Variants in PCDHGA7 observed in about 807,000 individuals in gnomAD.
The protein encoded by PCDHGA7 is protocadherin gamma-A7.
A neutral mutation model predicts 58.3 loss-of-function variants in PCDHGA7; 44 were observed. That is an observed-to-expected ratio of 0.75 (90% confidence interval 0.59 to 0.97). The LOEUF is 0.97. Ranked by LOEUF, PCDHGA7 falls within the 50% of genes least tolerant of loss-of-function variation. The probability of loss-of-function intolerance (pLI) is 0.00; values close to 1 mark genes in which losing one functional copy is unlikely to be tolerated. For missense variants in PCDHGA7, 1,266 were observed against 1,188.7 expected (o/e 1.06, Z -0.96); for synonymous variants, 516 against 504.2 (o/e 1.02, Z -0.31).
At chr5:141,407,563 A>T (rs1483622352) in intron 1 of PCDHGA7, among the ~76,000 whole-genome samples, 1 of 152,032 alleles carries the variant, frequency 6.6e-6, no homozygotes, top group Non-Finnish European at 1.5e-5. Context: ...ACATAAGCTG[A>T]AAGATAAAAT....
In PCDHGA7 at chr5:141,385,164, T is replaced by C. The variant is rs758100484; in HGVS notation, c.2265T>C (p.His755=). 3 of 1,614,168 alleles carry C rather than the reference T, an allele frequency of 1.9e-6. No homozygotes were observed. Among genetic ancestry groups the C allele is most frequent in the Middle Eastern group, 1.6e-4 (1 of 6,062 alleles). The change falls in exon 1 of 4, where the codon CAT becomes CAC. Residue 755 remains histidine (H), a synonymous_variant. Coordinates refer to ENST00000518325, the MANE Select transcript of PCDHGA7 (RefSeq NM_018920.4). ...AGGCTTTCCTGCAGACCTATTCCCA[T>C]GAGGTCTCCCTCACCGCGGACTCTC... ...GVQAFLQTYS[H]EVSLTADSRK...
rs983317324 is a variant in PCDHGA7, at chr5:141,431,891, G to A, written c.2424+46568G>A. The stretch of plus-strand genomic sequence containing the variant: ...AAATGTAAATGACCAAGATTCTGAG[G>A]AAAACGGACAGGTGATCTGTTTCAT... On this transcript the variant is annotated intron_variant, in intron 1 of 3. Transcript: ENST00000518325. The surrounding 1 kb of genome is among the most constrained non-coding windows in gnomAD (Gnocchi z 4.8). 16 of 1,614,072 alleles carry A rather than the reference G, an allele frequency of 9.9e-6. No homozygotes were observed. The highest frequency in any genetic ancestry group is 2.7e-5 in the African/African-American group (2 of 74,934).
chr5:141,415,077 A>C, intron 1 of PCDHGA7: 2 of 1,613,468 alleles, frequency 1.2e-6, no homozygotes, highest in Non-Finnish European at 1.7e-6. Flanking sequence ...GCACGGCGCG[A>C]GCCCTGCTGG....
intron 1 of PCDHGA7, among the ~76,000 whole-genome samples, chr5:141,450,783 G>A (rs2879228): frequency 0.25 from 37,099 of 150,510 alleles, 4,810 homozygotes; most frequent in Admixed American, 0.32. Flanking sequence ...CACCGTGCCC[G>A]GACCTCATGA....
chr5:141,382,871 G>C lies in PCDHGA7; in HGVS notation c.-29G>C, dbSNP rs764156663. ...GCATTCTGAAGCACTTCCCGAGATCGGCGCCTAAGCAAGAGAAGCAGGACG... is the reference window on the plus strand; with the variant it reads ...GCATTCTGAAGCACTTCCCGAGATCCGCGCCTAAGCAAGAGAAGCAGGACG... On this transcript the variant is annotated 5_prime_UTR_variant, in exon 1 of 4. Transcript: ENST00000518325. 1.4e-5 allele frequency: 22 copies of C among 1,520,388 alleles called. No homozygotes were observed. Among genetic ancestry groups the C allele is most frequent in the Admixed American group, 8.9e-5 (4 of 45,064 alleles). The allele number at this position is 1,520,388 out of a possible 1,614,324, so 94.2% of individuals were successfully genotyped here.
chr5:141,413,014 A>T, intron 1 of PCDHGA7: 1 of 663,842 alleles, frequency 1.5e-6, no homozygotes, highest in Non-Finnish European at 2.4e-6. Context: ...CTTCAACTAC[A>T]CAAGCCCCAC....
chr5:141,431,571 A>T lies in PCDHGA7; in HGVS notation c.2424+46248A>T, dbSNP rs781289120. 1.2e-6 allele frequency: 2 copies of T among 1,614,026 alleles called. No homozygotes were observed. Among genetic ancestry groups the T allele is most frequent in the African/African-American group, 1.3e-5 (1 of 74,938 alleles). On this transcript the variant is annotated intron_variant, in intron 1 of 3. Coordinates refer to ENST00000518325, the MANE Select transcript of PCDHGA7 (RefSeq NM_018920.4). This position sits in a 1 kb window ranked among gnomAD's most constrained non-coding sequence, Gnocchi z 4.8. ...GTAGTCAACGCTACCGACCCTGACG[A>T]AGGAGTCAATGCGGAAGTGAGGTAT...
At position 141,432,727 on chromosome 5, in the gene PCDHGA7, C is replaced by T; in HGVS notation, c.2424+47404C>T. 6.2e-7 allele frequency: 1 copy of T among 1,614,090 alleles called. No individual in the cohort carries two copies. Among genetic ancestry groups the T allele is most frequent in the Non-Finnish European group, 8.5e-7 (1 of 1,179,996 alleles). ...ACCACGGCCAGCCCCCTCTCTCCGC[C>T]ACTGTCACGCTCACCGTGGCCGTGG... On this transcript the variant is annotated intron_variant, in intron 1 of 3. Transcript: ENST00000518325. The surrounding 1 kb of genome is among the most constrained non-coding windows in gnomAD (Gnocchi z 6.0).
At chr5:141,424,171 C>A in intron 1 of PCDHGA7, 1 of 226,338 alleles carries the variant, frequency 4.4e-6, no homozygotes, top group Non-Finnish European at 8.0e-6. Flanking sequence ...ATCTATCTAT[C>A]TATACACATG....
chr5:141,491,901 G>C lies in PCDHGA7; in HGVS notation c.2425-2906G>C, dbSNP rs1196717010. 1 of 1,429,696 alleles carries C rather than the reference G, an allele frequency of 7.0e-7. No homozygotes were observed. The highest frequency in any genetic ancestry group is 9.3e-7 in the Non-Finnish European group (1 of 1,080,148). 88.6% of individuals were successfully genotyped at this position (1,429,696 alleles called of 1,614,324 possible). ...AAGGGATGGGGCTCCGAGCACCGGG[G>C]GTGGTGGCGACTGTGGGCGAGGGGA... On this transcript the variant is annotated intron_variant, in intron 1 of 3. Transcript: ENST00000518325. The surrounding 1 kb of genome is among the most constrained non-coding windows in gnomAD (Gnocchi z 6.9).
chr5:141,492,575 C>T (rs1213639439), intron 1 of PCDHGA7, among the ~76,000 whole-genome samples: 1 of 152,218 alleles, frequency 6.6e-6, no homozygotes, highest in South Asian at 2.1e-4. Flanking sequence ...GAGCGAGGCG[C>T]GGGGCCAGGA....
intron 1 of PCDHGA7, among the ~76,000 whole-genome samples, chr5:141,462,012 G>A (rs1046109009): frequency 9.9e-5 from 15 of 152,128 alleles, no homozygotes; most frequent in Admixed American, 5.9e-4. Context: ...TAATAGAGAC[G>A]GGGTTTCTTC....
Position 141,476,472 on chromosome 5 carries a change from T to C in PCDHGA7, c.2425-18335T>C. On this transcript the variant is annotated intron_variant, in intron 1 of 3. Coordinates refer to ENST00000518325, the MANE Select transcript of PCDHGA7 (RefSeq NM_018920.4). The surrounding 1 kb of genome is among the most constrained non-coding windows in gnomAD (Gnocchi z 7.6). The stretch of plus-strand genomic sequence containing the variant: ...GTAGTGGAGAACCCGCTGGAGCTGT[T>C]CAGCGTGGAAGTGGTGATCCAGGAC... 1 of 1,614,098 alleles carries C rather than the reference T, an allele frequency of 6.2e-7. No homozygotes were observed. The highest frequency in any genetic ancestry group is 8.5e-7 in the Non-Finnish European group (1 of 1,180,024).
intron 1 of PCDHGA7, among the ~76,000 whole-genome samples, chr5:141,488,544 C>G (rs1225754325): frequency 6.6e-6 from 1 of 152,166 alleles, no homozygotes; most frequent in African/African-American, 2.4e-5. Flanking sequence ...AGTCCCATGT[C>G]AGCTGACATT....
intron 1 of PCDHGA7, among the ~76,000 whole-genome samples, chr5:141,494,498 C>G (rs2099754760): frequency 6.6e-6 from 1 of 152,138 alleles, no homozygotes; most frequent in African/African-American, 2.4e-5. Flanking sequence ...GCCTTCAGTC[C>G]TTGAATTTTG....
rs776657082 is a variant in PCDHGA7, at chr5:141,432,778, G to A, written c.2424+47455G>A. On this transcript the variant is annotated intron_variant, in intron 1 of 3. Coordinates refer to ENST00000518325, the MANE Select transcript of PCDHGA7 (RefSeq NM_018920.4). The surrounding 1 kb of genome is among the most constrained non-coding windows in gnomAD (Gnocchi z 6.0). ...CCGACAGCATCCCCCAAGTCCTGGC[G>A]GACCTCGGCAGCCTCGAGTCTCCAG... 6.2e-7 allele frequency: 1 copy of A among 1,614,166 alleles called. No homozygotes were observed. Among genetic ancestry groups the A allele is most frequent in the Non-Finnish European group, 8.5e-7 (1 of 1,180,002 alleles).
chr5:141,441,739 C>T, intron 1 of PCDHGA7: 1 of 365,272 alleles, frequency 2.7e-6, no homozygotes, highest in South Asian at 2.2e-5. Context: ...GACTAGCTCG[C>T]GCTCGGCGTC....
At chr5:141,510,862 C>T (rs764422869) in intron 3 of PCDHGA7, 85 bp from the exon 4 acceptor site, 22 of 1,606,772 alleles carry the variant, frequency 1.4e-5, no homozygotes, top group Non-Finnish European at 1.7e-5. Flanking sequence ...GCTGTATAGG[C>T]ATTCATTAAC....
intron 1 of PCDHGA7, among the ~76,000 whole-genome samples, chr5:141,401,115 G>C (rs923480761): frequency 5.9e-5 from 9 of 151,974 alleles, no homozygotes; most frequent in African/African-American, 1.7e-4. Context: ...AGGCCGAGGC[G>C]GTTGGATCAC....
Sources: allele counts gnomAD v4.1 joint callset (sites outside exome capture counted in the v4.1 genomes callset), GRCh38; gene constraint gnomAD v4.1.1; non-coding constraint Gnocchi (gnomAD v3.1); transcripts MANE v1.5; gene names NCBI Gene and HGNC (gene_info 2026-07-23, HGNC 2026-07-21).